The following STK3 variants were observed in gnomAD, a reference collection of about 807,000 sequenced individuals.
The protein encoded by STK3 is serine/threonine kinase 3.
STK3 carries 41 observed loss-of-function variants against 58.0 expected under a neutral mutation model. The ratio of observed to expected loss-of-function variants is 0.71; its 90% CI spans 0.55 to 0.92. The LOEUF (loss-of-function observed/expected upper bound fraction) is 0.92, where lower values mean the gene tolerates loss of function less well. Among genes scored for constraint, STK3 ranks in the 40% least tolerant of loss-of-function variants. The probability of loss-of-function intolerance (pLI) is 0.00; values close to 1 mark genes in which losing one functional copy is unlikely to be tolerated. For synonymous variants in STK3, 170 were observed against 191.0 expected, an observed-to-expected ratio of 0.89 and a Z score of 0.91; for missense variants, 479 against 602.7, an observed-to-expected ratio of 0.79 and a Z score of 2.15.
intron 6 of STK3, among the ~76,000 whole-genome samples, chr8:98,615,459 G>A (rs1453824011): frequency 6.6e-6 from 1 of 151,328 alleles, no homozygotes; most frequent in African/African-American, 2.4e-5. Context: ...AAGCTGGATG[G>A]AGAATGACTT....
chr8:98,940,784 C>T (rs537150396), intron 1 of STK3, among the ~76,000 whole-genome samples: 32 of 152,350 alleles, frequency 2.1e-4, no homozygotes, highest in Non-Finnish European at 3.4e-4. Context: ...CTGGGGAAGT[C>T]AGGGCAGCCC....
At chr8:98,541,404 G>A (rs899539832) in intron 9 of STK3, among the ~76,000 whole-genome samples, 5 of 152,094 alleles carry the variant, frequency 3.3e-5, no homozygotes, top group African/African-American at 4.8e-5. Context: ...TGTAGGACGT[G>A]CCAGCTTCCC....
chr8:98,471,057 G>C (rs1820880411), intron 10 of STK3, among the ~76,000 whole-genome samples: 1 of 152,190 alleles, frequency 6.6e-6, no homozygotes, highest in Non-Finnish European at 1.5e-5. Flanking sequence ...GTTACAGCTT[G>C]ACTGGCTCAG....
chr8:98,872,626 T>C (rs1837418635), intron 3 of STK3, among the ~76,000 whole-genome samples: 1 of 152,244 alleles, frequency 6.6e-6, no homozygotes, highest in Non-Finnish European at 1.5e-5. Flanking sequence ...TTTATTTGTG[T>C]AGAGGTGTTT....
chr8:98,408,740 A>G (rs573281718), intron 3 of STK3, among the ~76,000 whole-genome samples: 1 of 152,394 alleles, frequency 6.6e-6, no homozygotes, highest in South Asian at 2.1e-4. Context: ...TGTTCTATCA[A>G]GTTGACTGTG....
At chr8:98,916,898 T>C (rs1839365631) in intron 1 of STK3, among the ~76,000 whole-genome samples, 2 of 152,150 alleles carry the variant, frequency 1.3e-5, no homozygotes, top group Non-Finnish European at 2.9e-5. Flanking sequence ...TCTAGGTTAG[T>C]CAGTCCTTTT....
At chr8:98,362,719 AG>A in the STK3 span, among the ~76,000 whole-genome samples, 1 of 152,108 alleles carries the variant, frequency 6.6e-6, no homozygotes, top group East Asian at 1.9e-4. Context: ...GCTGGGGTGA[AG>A]TGGGGCAAAA....
chr8:98,720,750 C>CAAAAAAA (rs35529460), intron 4 of STK3, among the ~76,000 whole-genome samples: 6 of 94,772 alleles, frequency 6.3e-5, no homozygotes, highest in African/African-American at 8.1e-5. Flanking sequence ...GACTCCGTCT[C>CAAAAAAA]AAAAAAAAAA....
chr8:98,358,585 C>G, the STK3 span, among the ~76,000 whole-genome samples: 2 of 152,052 alleles, frequency 1.3e-5, no homozygotes, highest in African/African-American at 4.8e-5. Flanking sequence ...AAATGCATTA[C>G]AGTGATGATC....
chr8:98,926,021 G>A (rs957690092), intron 1 of STK3, among the ~76,000 whole-genome samples: 1 of 152,174 alleles, frequency 6.6e-6, no homozygotes, highest in African/African-American at 2.4e-5. Context: ...ATGCCAAAGA[G>A]GGGCCGGGGG....
At chr8:98,610,282 A>G (rs1342849362) in intron 6 of STK3, among the ~76,000 whole-genome samples, 1 of 152,220 alleles carries the variant, frequency 6.6e-6, no homozygotes, top group Non-Finnish European at 1.5e-5. Flanking sequence ...TAATTTGACC[A>G]TAAGATTAGG....
chr8:98,699,958 G>T (rs1044463938), intron 6 of STK3, among the ~76,000 whole-genome samples: 6 of 152,238 alleles, frequency 3.9e-5, no homozygotes, highest in Admixed American at 6.5e-5. Context: ...TCTGTGCCCT[G>T]CCTCCAGAGG....
intron 1 of STK3, among the ~76,000 whole-genome samples, chr8:98,899,802 G>A (rs985349493): frequency 1.3e-5 from 2 of 152,184 alleles, no homozygotes; most frequent in African/African-American, 4.8e-5. Flanking sequence ...TAACGTGTAG[G>A]AGGGAAGCCA....
At chr8:98,919,375 G>T (rs1301406471) in intron 1 of STK3, among the ~76,000 whole-genome samples, 3 of 152,172 alleles carry the variant, frequency 2.0e-5, no homozygotes, top group Admixed American at 1.3e-4. Context: ...GAAACTAAGA[G>T]TAGAGTTCAG....
intron 9 of STK3, among the ~76,000 whole-genome samples, chr8:98,547,506 T>C (rs1810800358): frequency 6.6e-6 from 1 of 152,226 alleles, no homozygotes; most frequent in Admixed American, 6.5e-5. Context: ...TGAGCATCCC[T>C]GTCTCTTAAT....
chr8:98,513,151 G>T (rs1377755325), intron 10 of STK3, among the ~76,000 whole-genome samples: 1 of 152,078 alleles, frequency 6.6e-6, no homozygotes, highest in Non-Finnish European at 1.5e-5. Context: ...TGAGACTAAG[G>T]CTCACAACAA....
intron 1 of STK3, among the ~76,000 whole-genome samples, chr8:98,911,646 G>A (rs190950234): frequency 2.6e-5 from 4 of 152,082 alleles, no homozygotes; most frequent in East Asian, 1.9e-4. Flanking sequence ...TGCCCGCCTC[G>A]GCCTCCCAAA....
At chr8:98,580,310 G>A (rs955875622) in intron 7 of STK3, among the ~76,000 whole-genome samples, 3 of 151,978 alleles carry the variant, frequency 2.0e-5, no homozygotes, top group African/African-American at 7.2e-5. Flanking sequence ...GAAAATGAAT[G>A]TTGCCTAATT....
At chr8:98,403,810 C>T (rs887416763) in intron 3 of STK3, among the ~76,000 whole-genome samples, 8 of 152,256 alleles carry the variant, frequency 5.3e-5, no homozygotes, top group Non-Finnish European at 8.8e-5. Context: ...CCTCCAGTGC[C>T]CTCCAGTGCT....
Sources: gnomAD v4.1 joint callset for allele counts (sites outside exome capture counted in the v4.1 genomes callset) on GRCh38, gnomAD v4.1.1 for gene constraint, MANE v1.5 for transcripts, NCBI Gene and HGNC (gene_info 2026-07-23, HGNC 2026-07-21) for gene names.